Variants in DACH1 observed in about 807,000 individuals in gnomAD.
DACH1 encodes dachshund homolog 1.
Under a neutral mutation model 54.2 loss-of-function variants are expected in DACH1, and 12 were observed. The ratio of observed to expected loss-of-function variants is 0.22; its 90% CI spans 0.14 to 0.36. The LOEUF (loss-of-function observed/expected upper bound fraction) is 0.36. DACH1 is among the 10% of genes least tolerant of loss of function. The pLI, the probability that DACH1 is intolerant of heterozygous loss-of-function variation, is 1.00. For synonymous variants in DACH1, 386 were observed against 366.2 expected, an observed-to-expected ratio of 1.05 and a Z score of -0.62; for missense variants, 805 against 929.8, an observed-to-expected ratio of 0.87 and a Z score of 1.75.
chr13:71,707,573 T>G (rs961576808), intron 1 of DACH1, among the ~76,000 whole-genome samples: 1 of 152,136 alleles, frequency 6.6e-6, no homozygotes, highest in Non-Finnish European at 1.5e-5. Flanking sequence ...AACAAAGGCA[T>G]GACATAATAT....
At chr13:71,751,085 C>A (rs1377112008) in intron 1 of DACH1, among the ~76,000 whole-genome samples, 4 of 152,182 alleles carry the variant, frequency 2.6e-5, no homozygotes, top group African/African-American at 9.7e-5. Flanking sequence ...ACATAATACC[C>A]AGAACCCTTC....
At chr13:71,732,983 TACTC>T (rs943002172) in intron 1 of DACH1, among the ~76,000 whole-genome samples, 1 of 152,232 alleles carries the variant, frequency 6.6e-6, no homozygotes, top group Admixed American at 6.5e-5. Flanking sequence ...TGCCTATACT[TACTC>T]ATATCATTTT....
chr13:71,560,677 C>T (rs1453778560), intron 4 of DACH1, among the ~76,000 whole-genome samples: 2 of 152,246 alleles, frequency 1.3e-5, no homozygotes, highest in South Asian at 4.1e-4. Context: ...TCTCTCCACA[C>T]CTCCCTCTCT....
chr13:71,847,251 A>G (rs1476048359), intron 1 of DACH1, among the ~76,000 whole-genome samples: 4 of 152,180 alleles, frequency 2.6e-5, no homozygotes, highest in Non-Finnish European at 4.4e-5. Context: ...ATAAAAATCT[A>G]AAACATATGT....
intron 1 of DACH1, among the ~76,000 whole-genome samples, chr13:71,821,101 C>T (rs1888167568): frequency 1.3e-5 from 2 of 152,204 alleles, no homozygotes. Flanking sequence ...ACTCTATAGA[C>T]TCCTGATTGA....
chr13:71,865,814 C>G (rs912272782), intron 1 of DACH1, 108 bp downstream of exon 1: 102 of 1,312,700 alleles, frequency 7.8e-5, no homozygotes, highest in Middle Eastern at 2.8e-4. Context: ...CGCCGGGGCG[C>G]GCGGCTCGCG....
At chr13:71,684,152 T>C (rs960110952) in intron 1 of DACH1, among the ~76,000 whole-genome samples, 2 of 152,140 alleles carry the variant, frequency 1.3e-5, no homozygotes, top group Admixed American at 6.6e-5. Context: ...TCTTGATACA[T>C]GGTTACAGCT....
At chr13:71,606,899 T>G (rs1163847876) in intron 3 of DACH1, among the ~76,000 whole-genome samples, 2 of 152,066 alleles carry the variant, frequency 1.3e-5, no homozygotes, top group Non-Finnish European at 2.9e-5. Context: ...CATTACATTT[T>G]CATCCAGAAG....
At chr13:71,619,006 T>C (rs1876000926) in intron 3 of DACH1, among the ~76,000 whole-genome samples, 2 of 151,710 alleles carry the variant, frequency 1.3e-5, no homozygotes, top group African/African-American at 4.8e-5. Flanking sequence ...TGTGAATACA[T>C]ATTTAAATGT....
At chr13:71,815,520 C>T (rs1458580002) in intron 1 of DACH1, among the ~76,000 whole-genome samples, 2 of 152,054 alleles carry the variant, frequency 1.3e-5, no homozygotes, top group African/African-American at 4.8e-5. Context: ...AGAAAGACAA[C>T]TGGGCATTTC....
intron 1 of DACH1, among the ~76,000 whole-genome samples, chr13:71,779,212 TATATACGTATATACGTATATATACAC>T (rs1886237442): frequency 9.4e-6 from 1 of 106,778 alleles, no homozygotes; most frequent in Non-Finnish European, 1.8e-5. Flanking sequence ...TATGTGTATA[TATATACGTATATACGTATATATACAC>T]ATATATACGT....
chr13:71,748,894 CTTTCTCTTTCTTTCTTTCTTTCTTTCTT>C (rs1884766499), intron 1 of DACH1, among the ~76,000 whole-genome samples: 4 of 86,668 alleles, frequency 4.6e-5, no homozygotes, highest in African/African-American at 2.5e-4. Context: ...TTCTTTCTTT[CTTTCTCTTTCTTTCTTTCTTTCTTTCTT>C]TCTTTCTTTC....
chr13:71,692,903 C>A (rs1418520603), intron 1 of DACH1, among the ~76,000 whole-genome samples: 2 of 152,062 alleles, frequency 1.3e-5, no homozygotes, highest in African/African-American at 4.8e-5. Context: ...GTTATATTAT[C>A]AACTACATAG....
Position 71,481,976 on chromosome 13 carries a change from G to A in DACH1, c.1723-2660C>T, listed in dbSNP as rs543446184. Among the ~76,000 whole-genome samples, 3 of 152,252 alleles carry A rather than the reference G, an allele frequency of 2.0e-5. No individual in the cohort carries two copies. The East Asian group carries it at 5.8e-4, about 29-fold the overall frequency. On this transcript the variant is annotated intron_variant, in intron 7 of 10. Transcript: ENST00000613252. ...AAAATGCTGTGGCAAAAATGTGAAT[G>A]ACAAAAAACGATAGAAGGTTTAAAG...
At position 71,485,645 on chromosome 13, in the gene DACH1, C is replaced by T. The variant is rs138273540; in HGVS notation, c.1722+3352G>A. Among the ~76,000 whole-genome samples the T allele has an allele frequency of 2.2e-3, 292 of 133,180 alleles. 2 individuals carry two copies. Among genetic ancestry groups the T allele is most frequent in the African/African-American group, 7.7e-3 (272 of 35,180 alleles). The allele number at this position is 133,180 out of a possible 152,430, so 87.4% of individuals were successfully genotyped here. On this transcript the variant is annotated intron_variant, in intron 7 of 10. Coordinates refer to ENST00000613252, the MANE Select transcript of DACH1 (RefSeq NM_080759.6). ...CTGTCGCCAGGCTGGAGTGCAGTGG[C>T]GCAATCTTGGCTCTGCAACCTCTGC...
chr13:71,452,405 G>T (rs998470800), intron 10 of DACH1, among the ~76,000 whole-genome samples: 1 of 152,066 alleles, frequency 6.6e-6, no homozygotes, highest in South Asian at 2.1e-4. Flanking sequence ...TGGGATTAAA[G>T]ACATGAGCCA....
intron 3 of DACH1, among the ~76,000 whole-genome samples, chr13:71,622,449 C>G (rs139536040): frequency 1.3e-5 from 2 of 151,854 alleles, no homozygotes; most frequent in Non-Finnish European, 2.9e-5. Context: ...AATCCCTCAT[C>G]ATCAATCATA....
At chr13:71,616,613 G>C (rs1875786874) in intron 3 of DACH1, among the ~76,000 whole-genome samples, 1 of 152,046 alleles carries the variant, frequency 6.6e-6, no homozygotes, top group Admixed American at 6.6e-5. Flanking sequence ...GCATATGCCT[G>C]TAGTCTTATT....
intron 1 of DACH1, among the ~76,000 whole-genome samples, chr13:71,791,192 T>C (rs1486588802): frequency 6.6e-6 from 1 of 152,168 alleles, no homozygotes. Flanking sequence ...CTCTCTTTAC[T>C]TACACCTAAA....
Sources: gnomAD v4.1 joint callset for allele counts (sites outside exome capture counted in the v4.1 genomes callset) on GRCh38, gnomAD v4.1.1 for gene constraint, MANE v1.5 for transcripts, NCBI Gene and HGNC (gene_info 2026-07-23, HGNC 2026-07-21) for gene names.